Variants in SEC14L6 observed in about 807,000 individuals in gnomAD.
SEC14L6 encodes the protein SEC14 like lipid binding 6.
Under a neutral mutation model 54.1 loss-of-function variants are expected in SEC14L6, and 40 were observed. That is an observed-to-expected ratio of 0.74 (90% confidence interval 0.57 to 0.96). The LOEUF (loss-of-function observed/expected upper bound fraction) is 0.96. Among genes scored for constraint, SEC14L6 ranks in the 40% least tolerant of loss-of-function variants. The pLI, the probability that SEC14L6 is intolerant of heterozygous loss-of-function variation, is 0.00. For missense variants in SEC14L6, 471 were observed against 498.3 expected, an observed-to-expected ratio of 0.95 and a Z score of 0.52; for synonymous variants, 171 against 198.4, an observed-to-expected ratio of 0.86 and a Z score of 1.16.
Position 30,532,696 on chromosome 22 carries a change from G to A in SEC14L6, c.252C>T (p.Asn84=), listed in dbSNP as rs758430835. 22 of 1,561,566 alleles carry A rather than the reference G, an allele frequency of 1.4e-5. No homozygotes were observed. Among genetic ancestry groups the A allele is most frequent in the Admixed American group, 3.9e-5 (2 of 51,568 alleles). Residue 84 remains asparagine, a synonymous_variant, in exon 5 of 12, where the codon AAC becomes AAT. Coordinates refer to ENST00000402034, the MANE Select transcript of SEC14L6 (RefSeq NM_001193336.4). ...WQPPEVVRLY[N]ANGICGHDGE... ...CGTCGTGGCCGCATATGCCGTTAGCGTTGTACAGCCTGACCACCTGGATGC... is the reference window on the plus strand; with the variant it reads ...CGTCGTGGCCGCATATGCCGTTAGCATTGTACAGCCTGACCACCTGGATGC...
At chr22:30,546,506 T>C (rs1206182352) in intron 1 of SEC14L6, 123 bp downstream of exon 1, 4 of 774,920 alleles carry the variant, frequency 5.2e-6, no homozygotes, top group Non-Finnish European at 8.1e-6. Context: ...ACCAAGCCCC[T>C]CAGGGTTGGG....
intron 8 of SEC14L6, among the ~76,000 whole-genome samples, chr22:30,526,449 C>T (rs992244866): frequency 1.3e-5 from 2 of 152,204 alleles, no homozygotes; most frequent in African/African-American, 4.8e-5. Flanking sequence ...GGGACACGGG[C>T]ATTGCAGGAA....
chr22:30,543,728 T>C, intron 1 of SEC14L6: 1 of 1,593,962 alleles, frequency 6.3e-7, no homozygotes, highest in Admixed American at 1.7e-5. Flanking sequence ...GTGGCCCTAC[T>C]GATGGAGGCT....
intron 1 of SEC14L6, chr22:30,543,349 C>T (rs1384481196): frequency 1.9e-6 from 3 of 1,573,192 alleles, no homozygotes; most frequent in Non-Finnish European, 2.6e-6. Flanking sequence ...GGTTACTCAA[C>T]AGCCCATGAG....
chr22:30,540,668 A>G (rs1457232459), intron 1 of SEC14L6, among the ~76,000 whole-genome samples: 1 of 150,270 alleles, frequency 6.7e-6, no homozygotes, highest in East Asian at 2.0e-4. Flanking sequence ...GTGAGCTGAG[A>G]TCATGTCACT....
intron 8 of SEC14L6, among the ~76,000 whole-genome samples, chr22:30,527,928 TATG>T (rs1279754209): frequency 6.6e-6 from 1 of 151,846 alleles, no homozygotes; most frequent in African/African-American, 2.4e-5. Flanking sequence ...ATGATTATCA[TATG>T]ATAAGTAGTT....
intron 1 of SEC14L6, among the ~76,000 whole-genome samples, chr22:30,540,061 C>A (rs2146292713): frequency 6.6e-6 from 1 of 152,264 alleles, no homozygotes; most frequent in South Asian, 2.1e-4. Flanking sequence ...CTCTTTGGGC[C>A]CCAGATGGAT....
intron 1 of SEC14L6, chr22:30,543,483 C>T: frequency 6.2e-7 from 1 of 1,612,610 alleles, no homozygotes; most frequent in Non-Finnish European, 8.5e-7. Flanking sequence ...TTACAGAGAA[C>T]AAGGATGGCA....
intron 8 of SEC14L6, 63 bp from the exon 9 acceptor site, chr22:30,525,995 G>C (rs1936768068): frequency 6.5e-7 from 1 of 1,540,288 alleles, no homozygotes; most frequent in Admixed American, 1.9e-5. Context: ...GGCAGAGGGG[G>C]CTGAGCCCAG....
Position 30,525,451 on chromosome 22 carries a change from C to T in SEC14L6, c.980G>A (p.Arg327Gln), listed in dbSNP as rs764125499. ...GVFLKTKMGE[R>Q]QRAREMTEVL... ...CTCTGTCATCTCCCTAGCCCTCTGC[C>T]GCTCCCCCATCTTGGTCTTCAGGAA... is the stretch of plus-strand genomic sequence containing the variant. Residue 327 changes from arginine (R) to glutamine (Q), a missense_variant, in exon 11 of 12, where the codon CGG becomes CAG. Physicochemically the swap from Arg to Gln is conservative, Grantham distance 43 (BLOSUM62 1). Coordinates refer to ENST00000402034, the MANE Select transcript of SEC14L6 (RefSeq NM_001193336.4). 3.6e-5 allele frequency: 58 copies of T among 1,614,066 alleles called. No homozygotes were observed. In the Middle Eastern group the frequency reaches 4.9e-4, roughly 14 times the overall value.
rs939855224 is a variant in SEC14L6, at chr22:30,527,885, A to G, written c.664+1202T>C. 1.9e-3 allele frequency among the ~76,000 whole-genome samples: 288 copies of G among 152,138 alleles called. 3 individuals carry two copies. The highest frequency in any genetic ancestry group is 3.5e-4 in the Non-Finnish European group (24 of 68,020). On this transcript the variant is annotated intron_variant, in intron 8 of 11. Coordinates refer to ENST00000402034, the MANE Select transcript of SEC14L6 (RefSeq NM_001193336.4). Reference sequence around the variant, plus strand: ...TCCTAATAATAAAAATAATACAAACAACCTGAATTTAGGACTTTACTAAAA... The same window carrying G: ...TCCTAATAATAAAAATAATACAAACGACCTGAATTTAGGACTTTACTAAAA...
At position 30,534,524 on chromosome 22, in the gene SEC14L6, G is replaced by A. The variant is rs1372208798; in HGVS notation, c.131-485C>T. ...CCTCCCGGGTTCAAGTGATTCTCCT[G>A]CCTCAGTCTCCTGAGTAGCTGAGAT... On this transcript the variant is annotated intron_variant, in intron 2 of 11. Transcript: ENST00000402034. 3.3e-5 allele frequency among the ~76,000 whole-genome samples: 5 copies of A among 151,644 alleles called. No individual in the cohort carries two copies. In the East Asian group the frequency reaches 7.8e-4, roughly 24 times the overall value.
chr22:30,524,268 G>C lies in SEC14L6; in HGVS notation c.*729C>G, dbSNP rs1936694437. 6.6e-6 allele frequency: 1 copy of C among 152,194 alleles called. No individual in the cohort carries two copies. The highest frequency in any genetic ancestry group is 2.1e-4 in the South Asian group (1 of 4,834). The allele number at this position is 152,194 out of a possible 1,614,324, so 9.4% of individuals were successfully genotyped here. A position where few individuals can be genotyped will look rare whatever the true frequency, so the allele number is the denominator to read the frequency against. On this transcript the variant is annotated 3_prime_UTR_variant, in exon 12 of 12. Coordinates refer to ENST00000402034, the MANE Select transcript of SEC14L6 (RefSeq NM_001193336.4). ...GGGGACCCCTCCTCTTCCCCCTATG[G>C]CACAGCGGCCCCTCCTCTTGGGAAC...
chr22:30,533,939 C>T (rs1937064763), intron 3 of SEC14L6, 57 bp downstream of exon 3: 1 of 1,463,824 alleles, frequency 6.8e-7, no homozygotes, highest in African/African-American at 1.4e-5. Context: ...AAATTTGTGC[C>T]TCAGACTTGG....
chr22:30,532,564 G>C lies in SEC14L6; in HGVS notation c.384C>G (p.Cys128Trp), dbSNP rs1008318910. 6.4e-7 allele frequency: 1 copy of C among 1,550,544 alleles called. No individual in the cohort carries two copies. The highest frequency in any genetic ancestry group is 1.4e-5 in the African/African-American group (1 of 73,174). The change falls in exon 5 of 12, where the codon TGC (cysteine) becomes TGG (tryptophan). Residue 128 changes from cysteine to tryptophan, a missense_variant. By Grantham distance (215) the Cys-to-Trp change is radical. Coordinates refer to ENST00000402034, the MANE Select transcript of SEC14L6 (RefSeq NM_001193336.4). ...QELLRDSFRS[C>W]ELLLRECELQ... ...GCTCACACTCCCGCAGGAGCAGCTC[G>C]CAGCTCCGGAAGCTGTCCCTGAGCA... is the stretch of plus-strand genomic sequence containing the variant.
At chr22:30,539,740 T>A (rs1601898378) in intron 1 of SEC14L6, among the ~76,000 whole-genome samples, 1 of 152,150 alleles carries the variant, frequency 6.6e-6, no homozygotes, top group African/African-American at 2.4e-5. Flanking sequence ...ACCTGATAGG[T>A]TAGGGTTGAA....
chr22:30,540,957 T>C (rs2085696623), intron 1 of SEC14L6, among the ~76,000 whole-genome samples: 1 of 150,760 alleles, frequency 6.6e-6, no homozygotes, highest in South Asian at 2.1e-4. Flanking sequence ...GAGCGGAGGC[T>C]GCAGTGAGCT....
At position 30,539,859 on chromosome 22, in the gene SEC14L6, G is replaced by A. The variant is rs2085668227; in HGVS notation, c.55-957C>T. 2.0e-5 allele frequency among the ~76,000 whole-genome samples: 3 copies of A among 152,192 alleles called. No homozygotes were observed. In the South Asian group the frequency reaches 6.2e-4, roughly 31 times the overall value. On this transcript the variant is annotated intron_variant, in intron 1 of 11. Coordinates refer to ENST00000402034, the MANE Select transcript of SEC14L6 (RefSeq NM_001193336.4). ...CCTGGCCTGGGAGTTGGTTAGGACA[G>A]TTCAGCTGGCCCTGGGCCCACCCTG...
At chr22:30,542,619 C>T (rs912785118) in intron 1 of SEC14L6, 12 of 1,534,038 alleles carry the variant, frequency 7.8e-6, no homozygotes, top group Non-Finnish European at 8.8e-6. Context: ...CGCTGCTCTG[C>T]CTGCTGCTCC....
Sources: allele counts gnomAD v4.1 joint callset (sites outside exome capture counted in the v4.1 genomes callset), GRCh38; gene constraint gnomAD v4.1.1; transcripts MANE v1.5; gene names NCBI Gene and HGNC (gene_info 2026-07-23, HGNC 2026-07-21).